Variants in TMEM231 observed in about 807,000 individuals in gnomAD.
TMEM231 encodes transmembrane protein 231.
TMEM231 carries 40 observed loss-of-function variants against 38.5 expected under a neutral mutation model. That is an observed-to-expected ratio of 1.04 (90% confidence interval 0.81 to 1.35). The LOEUF is 1.35. Ranked by LOEUF, TMEM231 falls within the 40% of genes most tolerant of loss-of-function variation. The probability of loss-of-function intolerance (pLI) is 0.00; values close to 1 mark genes in which losing one functional copy is unlikely to be tolerated. For synonymous variants in TMEM231, 199 were observed against 181.7 expected (o/e 1.10, Z -0.77); for missense variants, 420 against 416.9 (o/e 1.01, Z -0.07).
chr16:75,540,440 T>C (rs2080610486), intron 6 of TMEM231, among the ~76,000 whole-genome samples: 1 of 152,222 alleles, frequency 6.6e-6, no homozygotes, highest in Admixed American at 6.5e-5. Context: ...TATCCTGAGC[T>C]GTTAACCAGC....
rs763869531 is a variant in TMEM231 at position 75,546,123 on chromosome 16, G to A, written c.310-169C>T. On this transcript the variant is annotated intron_variant, in intron 2 of 6. Coordinates refer to ENST00000258173, the MANE Select transcript of TMEM231 (RefSeq NM_001077418.3). ...GATGTAAGTGCATTAATACTGGGGA[G>A]AGACACAAAGTGCATGGTCCCTGAA... The A allele has an allele frequency of 5.5e-5, 84 of 1,534,956 alleles. No homozygotes were observed. In the Admixed American group the frequency reaches 1.6e-3, roughly 29 times the overall value.
Position 75,542,680 on chromosome 16 carries a change from A to G in TMEM231, c.586T>C (p.Ser196Pro), listed in dbSNP as rs1239013549. The G allele has an allele frequency of 3.1e-6, 5 of 1,613,704 alleles. No homozygotes were observed. The highest frequency in any genetic ancestry group is 3.4e-6 in the Non-Finnish European group (4 of 1,179,854). Reference protein sequence around the residue: ...CGGLDARYNISVINGTSPFAY... With the variant: ...CGGLDARYNIPVINGTSPFAY... ...AAGGGGCTGGTCCCGTTGATCACGG[A>G]TATCTGGGACACGGGAGGAGGATGT... The change falls in exon 5 of 7, where the codon TCC becomes CCC. Residue 196 changes from serine to proline, a missense_variant. Physicochemically the swap from Ser to Pro is moderately conservative, Grantham distance 74. Coordinates refer to ENST00000258173, the MANE Select transcript of TMEM231 (RefSeq NM_001077418.3).
intron 2 of TMEM231, among the ~76,000 whole-genome samples, chr16:75,553,664 T>C (rs920711920): frequency 2.7e-5 from 4 of 149,886 alleles, no homozygotes; most frequent in East Asian, 1.9e-4. Flanking sequence ...CTAGGGCAAA[T>C]TGTACCACTT....
intron 2 of TMEM231, among the ~76,000 whole-genome samples, chr16:75,546,489 C>T (rs541926485): frequency 2.0e-5 from 3 of 152,118 alleles, no homozygotes; most frequent in East Asian, 3.9e-4. Context: ...ATCGCCCAGG[C>T]TGGAGTGCAG....
At chr16:75,544,953 T>TC (rs1567436277) in intron 4 of TMEM231, among the ~76,000 whole-genome samples, 1,620 of 132,008 alleles carry the variant, frequency 0.012, 41 homozygotes, top group African/African-American at 0.045. Context: ...CTTTTTCTTT[T>TC]TTTTTTTTTT....
chr16:75,546,198 T>A lies in TMEM231; in HGVS notation c.310-244A>T. The stretch of plus-strand genomic sequence containing the variant: ...TTCACTGGCCAAAATAAATGGGCAA[T>A]AACAAAAAACATCTGGATAGTATTT... On this transcript the variant is annotated intron_variant, in intron 2 of 6. Transcript: ENST00000258173. 5 of 1,179,468 alleles carry A rather than the reference T, an allele frequency of 4.2e-6. No homozygotes were observed. The Admixed American group carries it at 6.9e-5, about 16-fold the overall frequency. 73.1% of individuals were successfully genotyped at this position (1,179,468 alleles called of 1,614,324 possible).
chr16:75,537,893 C>T lies in TMEM231; in HGVS notation c.*2101G>A, dbSNP rs2080576708. On this transcript the variant is annotated 3_prime_UTR_variant, in exon 7 of 7. Transcript: ENST00000258173. ...TTCACCAGACACAGTCATAATTATC[C>T]AACACGTAGATTTCACATGGCATGT... is the stretch of plus-strand genomic sequence containing the variant. 6.6e-6 allele frequency: 1 copy of T among 152,158 alleles called. No homozygotes were observed. Among genetic ancestry groups the T allele is most frequent in the Admixed American group, 6.6e-5 (1 of 15,266 alleles). The allele number at this position is 152,158 out of a possible 1,614,324, so 9.4% of individuals were successfully genotyped here. A position where few individuals can be genotyped will look rare whatever the true frequency, so the allele number is the denominator to read the frequency against.
In TMEM231 at chr16:75,539,606, C is replaced by T. The variant is rs968732077; in HGVS notation, c.*388G>A. The T allele has an allele frequency of 1.9e-5, 3 of 159,174 alleles. No individual in the cohort carries two copies. The Admixed American group carries it at 2.0e-4, about 10-fold the overall frequency. 9.9% of individuals were successfully genotyped at this position (159,174 alleles called of 1,614,324 possible). A position where few individuals can be genotyped will look rare whatever the true frequency, so the allele number is the denominator to read the frequency against. The stretch of plus-strand genomic sequence containing the variant: ...CCCTGAAAAGAGTAAGAGTGGCTCA[C>T]AACAGAAGGTAGAAATGCACAGTGT... On this transcript the variant is annotated 3_prime_UTR_variant, in exon 7 of 7. Coordinates refer to ENST00000258173, the MANE Select transcript of TMEM231 (RefSeq NM_001077418.3).
At position 75,555,943 on chromosome 16, in the gene TMEM231, T is replaced by A; in HGVS notation, c.170A>T (p.Glu57Val). 1 of 1,604,356 alleles carries A rather than the reference T, an allele frequency of 6.2e-7. No homozygotes were observed. The change falls in exon 2 of 7, where the codon GAG (glutamate) becomes GTG (valine). Residue 57 changes from glutamate (E) to valine (V), a missense_variant. Coordinates refer to ENST00000258173, the MANE Select transcript of TMEM231 (RefSeq NM_001077418.3). ...GFWLKRSSYE[E>V]QPTVRFQHQV... ...GTGTTGGAAGCGCACGGTCGGCTGC[T>A]CCTCGTAGCTGCTCCGCTTCAGCCA...
intron 2 of TMEM231, among the ~76,000 whole-genome samples, chr16:75,548,197 C>G (rs1191843895): frequency 6.6e-6 from 1 of 152,092 alleles, no homozygotes; most frequent in East Asian, 1.9e-4. Context: ...CTTTTTAGGA[C>G]CAAAATGTCT....
chr16:75,553,621 CA>C (rs60225459), intron 2 of TMEM231, among the ~76,000 whole-genome samples: 10,835 of 91,610 alleles, frequency 0.12, 1,150 homozygotes, highest in African/African-American at 0.34. Flanking sequence ...AACTCTGTTG[CA>C]AAAAAAAAAA....
At chr16:75,547,905 G>A (rs2080712843) in intron 2 of TMEM231, among the ~76,000 whole-genome samples, 1 of 152,192 alleles carries the variant, frequency 6.6e-6, no homozygotes, top group South Asian at 2.1e-4. Context: ...GATCTTTAGG[G>A]TTGGACAGGA....
intron 2 of TMEM231, among the ~76,000 whole-genome samples, chr16:75,548,473 C>A (rs552284641): frequency 1.3e-5 from 2 of 152,310 alleles, no homozygotes; most frequent in East Asian, 1.9e-4. Flanking sequence ...AAGTCCCCAT[C>A]CTAATGGGGC....
chr16:75,542,225 T>C (rs1375538365), intron 5 of TMEM231, among the ~76,000 whole-genome samples: 3 of 152,156 alleles, frequency 2.0e-5, no homozygotes, highest in Non-Finnish European at 4.4e-5. Context: ...CCACGTTCTC[T>C]GTTTTTCTCT....
chr16:75,542,865 C>T (rs1033991784), intron 4 of TMEM231, among the ~76,000 whole-genome samples, 182 bp from the exon 5 acceptor site: 1 of 151,520 alleles, frequency 6.6e-6, no homozygotes, highest in Non-Finnish European at 1.5e-5. Context: ...CCAGGCTGGT[C>T]CCACAGAGCA....
intron 2 of TMEM231, among the ~76,000 whole-genome samples, chr16:75,549,430 T>C (rs1248630061): frequency 6.6e-6 from 1 of 152,184 alleles, no homozygotes; most frequent in Non-Finnish European, 1.5e-5. Flanking sequence ...CCATTCATTG[T>C]CCCACGTGAT....
At chr16:75,544,031 C>CA (rs1479642569) in intron 4 of TMEM231, among the ~76,000 whole-genome samples, 1 of 152,246 alleles carries the variant, frequency 6.6e-6, no homozygotes, top group Non-Finnish European at 1.5e-5. Context: ...TGCACACAGA[C>CA]AGGCTCTGTT....
chr16:75,543,999 G>GAGT (rs1424859662), intron 4 of TMEM231, among the ~76,000 whole-genome samples: 2 of 152,238 alleles, frequency 1.3e-5, no homozygotes, highest in Non-Finnish European at 2.9e-5. Flanking sequence ...AGTGAGGAAT[G>GAGT]AGTGATTAGA....
At chr16:75,555,996 G>C in intron 1 of TMEM231, 23 bp from the exon 2 acceptor site, 7 of 1,591,986 alleles carry the variant, frequency 4.4e-6, no homozygotes, top group Admixed American at 1.8e-5. Flanking sequence ...GGGCGGTAGG[G>C]AGGCGGTTAG....
Sources: gnomAD v4.1 joint callset for allele counts (sites outside exome capture counted in the v4.1 genomes callset) on GRCh38, gnomAD v4.1.1 for gene constraint, MANE v1.5 for transcripts, NCBI Gene and HGNC (gene_info 2026-07-23, HGNC 2026-07-21) for gene names.